ZNF44: variants seen among roughly 807,000 people sequenced by gnomAD.
The protein encoded by ZNF44 is gonadotropin inducible transcription repressor-2.
Under a neutral mutation model 11.7 loss-of-function variants are expected in ZNF44, and 9 were observed. That is an observed-to-expected ratio of 0.77 (90% CI 0.46 to 1.35). ZNF44 has a LOEUF of 1.35. Ranked by LOEUF, ZNF44 falls within the 40% of genes most tolerant of loss-of-function variation. The pLI, the probability that ZNF44 is intolerant of heterozygous loss-of-function variation, is 0.00. For synonymous variants in ZNF44, 224 were observed against 242.7 expected (o/e 0.92, Z 0.72); for missense variants, 696 against 743.1 (o/e 0.94, Z 0.74).
At chr19:12,242,905 A>T (rs1339830967), downstream of ZNF44, 1 of 152,130 alleles carries the variant, frequency 6.6e-6, no homozygotes, top group Admixed American at 6.6e-5. Context: ...GGAAAACAAC[A>T]ATGCCTGGTA....
At chr19:12,241,288 G>T, upstream of ZNF44, among the ~76,000 whole-genome samples, 1 of 152,208 alleles carries the variant, frequency 6.6e-6, no homozygotes, top group Non-Finnish European at 1.5e-5. Context: ...TGCAGTCCTT[G>T]TGTATTGCTG....
Position 12,284,505 on chromosome 19 carries a change from G to A in ZNF44, c.4-8423C>T. 2 of 681,508 alleles carry A rather than the reference G, an allele frequency of 2.9e-6. 1 individual carries two copies. Among genetic ancestry groups the A allele is most frequent in the Non-Finnish European group, 5.4e-6 (2 of 368,940 alleles). The allele number at this position is 681,508 out of a possible 1,614,324, so 42.2% of individuals were successfully genotyped here. ...GAAGTGGATGCCCGTTACCAAGCTGGGCTGCCTGGTCAAGGACATGAAGAT... is the reference window on the plus strand; with the variant it reads ...GAAGTGGATGCCCGTTACCAAGCTGAGCTGCCTGGTCAAGGACATGAAGAT... On this transcript the variant is annotated intron_variant, in intron 1 of 3. Transcript: ENST00000355684.
downstream of ZNF44, among the ~76,000 whole-genome samples, chr19:12,268,061 TCCTAACCTCAGGTGATC>T (rs1917796722): frequency 6.6e-6 from 1 of 151,418 alleles, no homozygotes. Context: ...AGTCTCAAAC[TCCTAACCTCAGGTGATC>T]CGCCTGCCTC....
chr19:12,256,983 C>A (rs1444757851), intron 5 of ZNF44, among the ~76,000 whole-genome samples: 1 of 152,144 alleles, frequency 6.6e-6, no homozygotes, highest in Admixed American at 6.5e-5. Flanking sequence ...TGTGGGATTA[C>A]AGGCATGAGC....
intron 6 of ZNF44, chr19:12,250,184 C>T: frequency 7.7e-7 from 1 of 1,291,244 alleles, no homozygotes; most frequent in Non-Finnish European, 1.0e-6. Context: ...CATTGATATC[C>T]AAGAAAAAGG....
chr19:12,282,125 CA>C (rs1037066608), intron 1 of ZNF44, among the ~76,000 whole-genome samples: 2 of 152,140 alleles, frequency 1.3e-5, no homozygotes, highest in African/African-American at 4.8e-5. Context: ...ATCTTCAAAC[CA>C]GGTAGCAGGC....
chr19:12,268,131 TAC>T (rs1230538619), downstream of ZNF44, among the ~76,000 whole-genome samples: 9 of 106,688 alleles, frequency 8.4e-5, no homozygotes, highest in South Asian at 5.4e-4. Flanking sequence ...TTGGTGTTCT[TAC>T]ACACACACAC....
downstream of ZNF44, among the ~76,000 whole-genome samples, chr19:12,243,743 A>G (rs964459889): frequency 2.0e-5 from 3 of 147,790 alleles, no homozygotes; most frequent in Admixed American, 6.7e-5. Flanking sequence ...CAGAACCTCC[A>G]TATTGTTTTT....
At chr19:12,275,824 C>A (rs1568447307) in intron 2 of ZNF44, 132 bp downstream of exon 2, 1 of 1,185,672 alleles carries the variant, frequency 8.4e-7, no homozygotes, top group Non-Finnish European at 1.2e-6. Context: ...CAGGTTGGGG[C>A]CTGGCACTTC....
At chr19:12,262,033 GA>G (rs1311884630) in intron 5 of ZNF44, among the ~76,000 whole-genome samples, 2 of 151,832 alleles carry the variant, frequency 1.3e-5, no homozygotes, top group African/African-American at 4.8e-5. Flanking sequence ...TGTAAATTAA[GA>G]AAAAAATCTC....
At chr19:12,276,562 T>G (rs1042395063) in intron 1 of ZNF44, among the ~76,000 whole-genome samples, 9 of 152,184 alleles carry the variant, frequency 5.9e-5, no homozygotes, top group Non-Finnish European at 1.3e-4. Flanking sequence ...CCTAAACTAT[T>G]TGTGTAAAAA....
downstream of ZNF44, among the ~76,000 whole-genome samples, chr19:12,243,938 G>A (rs1255367545): frequency 3.3e-5 from 5 of 151,538 alleles, no homozygotes; most frequent in East Asian, 5.8e-4. Context: ...TTTGCTTTCC[G>A]GCCATTTGTA....
At chr19:12,250,065 T>A (rs1442969294) in intron 6 of ZNF44, 12 of 1,268,134 alleles carry the variant, frequency 9.5e-6, no homozygotes, top group African/African-American at 1.5e-5. Context: ...GAAAAAATTA[T>A]CATAAATTAT....
intron 3 of ZNF44, among the ~76,000 whole-genome samples, chr19:12,228,145 G>A (rs199581584): frequency 7.9e-5 from 12 of 150,990 alleles, no homozygotes; most frequent in East Asian, 5.8e-4. Context: ...CTGCCAAAAC[G>A]TGCTTAAACC....
chr19:12,240,963 C>A (rs968174134), upstream of ZNF44, among the ~76,000 whole-genome samples: 1 of 152,016 alleles, frequency 6.6e-6, no homozygotes, highest in African/African-American at 2.4e-5. Context: ...CTTTTGTGCA[C>A]CAAAAGACAA....
At position 12,272,597 on chromosome 19, in the gene ZNF44, G is replaced by T. The variant is rs768063177; in HGVS notation, c.1658C>A (p.Thr553Asn). ...WPSFLLRHER[T>N]HTGERPYECK... ...TTCATAGGGTCTTTCTCCAGTGTGA[G>T]TCCTTTCATGTCTTAGAAGGAAAGA... The change falls in exon 4 of 4, where the codon ACT becomes AAT. Residue 553 changes from threonine to asparagine, a missense_variant. Thr to Asn is a moderately conservative substitution (Grantham distance 65). Transcript: ENST00000355684. 6.2e-7 allele frequency: 1 copy of T among 1,613,086 alleles called. No homozygotes were observed. Among genetic ancestry groups the T allele is most frequent in the Admixed American group, 1.7e-5 (1 of 59,828 alleles).
In ZNF44 at chr19:12,272,751, T is replaced by C. The variant is rs754974087; in HGVS notation, c.1504A>G (p.Lys502Glu). 1.2e-6 allele frequency: 2 copies of C among 1,613,594 alleles called. No individual in the cohort carries two copies. Among genetic ancestry groups the C allele is most frequent in the African/African-American group, 1.3e-5 (1 of 75,022 alleles). ...CCACAAATTTGACACTCATAAGATTTTTCTTCACTGTGAGTCCTTTCATGG... is the reference window on the plus strand; with the variant it reads ...CCACAAATTTGACACTCATAAGATTCTTCTTCACTGTGAGTCCTTTCATGG... Reference protein sequence around the residue: ...CRHERTHSEEKSYECQICGKA... With the variant: ...CRHERTHSEEESYECQICGKA... Residue 502 changes from lysine (K) to glutamate (E), a missense_variant, in exon 4 of 4, where the codon AAA becomes GAA. Transcript: ENST00000355684.
At position 12,275,044 on chromosome 19, in the gene ZNF44, G is replaced by A; in HGVS notation, c.131-11C>T. 6.4e-7 allele frequency: 1 copy of A among 1,560,748 alleles called. No homozygotes were observed. Among genetic ancestry groups the A allele is most frequent in the Non-Finnish European group, 8.7e-7 (1 of 1,155,526 alleles). ...TTTCCCATTTCATTCCTAAAAGAGA[G>A]ATCCAGAAAATTCACTATAAATTAT... On this transcript the variant is annotated splice_polypyrimidine_tract_variant and intron_variant, in intron 2 of 3. Transcript: ENST00000355684.
intron 1 of ZNF44, chr19:12,293,423 C>T (rs1968101448): frequency 1.3e-6 from 2 of 1,501,496 alleles, no homozygotes; most frequent in African/African-American, 2.8e-5. Flanking sequence ...CTGTAAAGGA[C>T]ATACTGAGAA....
Sources: allele counts gnomAD v4.1 joint callset (sites outside exome capture counted in the v4.1 genomes callset), GRCh38; gene constraint gnomAD v4.1.1; transcripts MANE v1.5; gene names NCBI Gene and HGNC (gene_info 2026-07-23, HGNC 2026-07-21).